Variants in CNTN4 observed in about 807,000 individuals in gnomAD.
CNTN4 encodes contactin-4.
In CNTN4, 77 loss-of-function variants were observed where a neutral mutation model predicts 122.5. The observed-to-expected ratio is 0.63, with a 90% confidence interval of 0.52 to 0.76. The LOEUF is 0.76. CNTN4 is among the 30% of genes least tolerant of loss of function. The pLI is 0.00. For missense variants in CNTN4, 1,256 were observed against 1,259.1 expected, an observed-to-expected ratio of 1.00 and a Z score of 0.04; for synonymous variants, 512 against 447.0, an observed-to-expected ratio of 1.15 and a Z score of -1.83.
intron 4 of CNTN4, among the ~76,000 whole-genome samples, chr3:2,592,990 G>A (rs373907048): frequency 2.2e-4 from 33 of 152,156 alleles, no homozygotes; most frequent in African/African-American, 7.2e-4. Flanking sequence ...TGGGAAGTCT[G>A]AATTTGAATT....
At chr3:2,918,902 C>T (rs550035010) in intron 12 of CNTN4, among the ~76,000 whole-genome samples, 44 of 152,274 alleles carry the variant, frequency 2.9e-4, no homozygotes, top group Middle Eastern at 3.4e-3. Context: ...CCTCATGAGA[C>T]GGGAATTTCC....
At chr3:2,574,081 T>C (rs991830158) in intron 4 of CNTN4, among the ~76,000 whole-genome samples, 1 of 152,062 alleles carries the variant, frequency 6.6e-6, no homozygotes, top group African/African-American at 2.4e-5. Context: ...CAAGGCATGG[T>C]GGTGTATGCC....
chr3:2,890,385 G>A (rs182400908), intron 10 of CNTN4, among the ~76,000 whole-genome samples: 1 of 152,122 alleles, frequency 6.6e-6, no homozygotes, highest in Admixed American at 6.6e-5. Flanking sequence ...ATGATAAAAG[G>A]TGAGAAAGTA....
At chr3:2,920,777 A>G (rs1028677237) in intron 12 of CNTN4, among the ~76,000 whole-genome samples, 1 of 150,208 alleles carries the variant, frequency 6.7e-6, no homozygotes, top group Admixed American at 6.7e-5. Flanking sequence ...TAATCCTCAA[A>G]ATAATCTCAT....
intron 4 of CNTN4, among the ~76,000 whole-genome samples, chr3:2,706,845 C>G (rs2086770580): frequency 6.6e-6 from 1 of 152,110 alleles, no homozygotes; most frequent in East Asian, 1.9e-4. Flanking sequence ...TTGGACAAGT[C>G]TCTTAAGGTC....
chr3:3,011,343 T>C (rs946914500), intron 14 of CNTN4, among the ~76,000 whole-genome samples: 10 of 152,176 alleles, frequency 6.6e-5, no homozygotes, highest in African/African-American at 2.4e-4. Context: ...GGTTTAGTTA[T>C]TCACCGGTTA....
intron 4 of CNTN4, among the ~76,000 whole-genome samples, chr3:2,651,114 C>T (rs529367078): frequency 6.5e-4 from 99 of 152,236 alleles, no homozygotes; most frequent in South Asian, 1.0e-3. Context: ...CGGTCTTTTC[C>T]TTTCTGATGC....
At chr3:2,618,055 C>T (rs930575160) in intron 4 of CNTN4, among the ~76,000 whole-genome samples, 2 of 152,228 alleles carry the variant, frequency 1.3e-5, no homozygotes, top group African/African-American at 4.8e-5. Context: ...GCACTATCCA[C>T]ACACTTAGGA....
intron 13 of CNTN4, among the ~76,000 whole-genome samples, chr3:2,959,235 A>C (rs2094829348): frequency 6.6e-6 from 1 of 152,198 alleles, no homozygotes; most frequent in Non-Finnish European, 1.5e-5. Context: ...AAGTCCTTTT[A>C]GGTCAAGGAA....
At chr3:2,731,330 C>T (rs1288052158) in intron 4 of CNTN4, among the ~76,000 whole-genome samples, 4 of 152,104 alleles carry the variant, frequency 2.6e-5, no homozygotes, top group African/African-American at 9.7e-5. Context: ...GTTTATCCAT[C>T]CTAATTCAAG....
At chr3:2,139,575 C>T (rs1206196663) in intron 2 of CNTN4, among the ~76,000 whole-genome samples, 1 of 152,168 alleles carries the variant, frequency 6.6e-6, no homozygotes, top group African/African-American at 2.4e-5. Context: ...CTGCCAACTA[C>T]CTCGAGCTAT....
chr3:2,492,553 T>C (rs2076347361), intron 3 of CNTN4, among the ~76,000 whole-genome samples: 1 of 152,234 alleles, frequency 6.6e-6, no homozygotes, highest in African/African-American at 2.4e-5. Context: ...TTTCTTCTCA[T>C]CTTCCTTTTC....
At chr3:2,250,467 AATAGCATTTCT>A (rs1381792736) in intron 2 of CNTN4, among the ~76,000 whole-genome samples, 4 of 151,916 alleles carry the variant, frequency 2.6e-5, no homozygotes, top group African/African-American at 9.7e-5. Flanking sequence ...TGAAGTTAAT[AATAGCATTTCT>A]ATAGCATTGT....
intron 3 of CNTN4, among the ~76,000 whole-genome samples, chr3:2,489,618 C>T (rs2076257981): frequency 6.6e-6 from 1 of 152,142 alleles, no homozygotes; most frequent in African/African-American, 2.4e-5. Context: ...AATTTTATAA[C>T]CTCCCCACTC....
At chr3:2,880,755 G>A (rs1271113346) in intron 8 of CNTN4, among the ~76,000 whole-genome samples, 1 of 152,192 alleles carries the variant, frequency 6.6e-6, no homozygotes, top group African/African-American at 2.4e-5. Context: ...ATTAAGATGA[G>A]GAGTCAGGGG....
chr3:2,642,566 A>T (rs1005674131), intron 4 of CNTN4, among the ~76,000 whole-genome samples: 3 of 152,072 alleles, frequency 2.0e-5, no homozygotes, highest in African/African-American at 7.2e-5. Context: ...CATGTTTTTT[A>T]TATGTGTGTA....
chr3:2,367,535 A>G (rs1055697986), intron 3 of CNTN4, among the ~76,000 whole-genome samples: 5 of 151,870 alleles, frequency 3.3e-5, no homozygotes, highest in African/African-American at 1.2e-4. Flanking sequence ...TTTTATTTTT[A>G]TTTTTTGAGA....
chr3:2,909,086 A>T (rs11129338), intron 12 of CNTN4, among the ~76,000 whole-genome samples: 1 of 152,018 alleles, frequency 6.6e-6, no homozygotes, highest in African/African-American at 2.4e-5. Flanking sequence ...AGGGACTTTC[A>T]CAAGTGCTCA....
chr3:2,350,691 C>T (rs773172635), intron 3 of CNTN4, among the ~76,000 whole-genome samples: 27 of 152,008 alleles, frequency 1.8e-4, no homozygotes, highest in Middle Eastern at 3.2e-3. Flanking sequence ...CATGAAGTAG[C>T]GAGAAATGAA....
Sources: allele counts gnomAD v4.1 joint callset (sites outside exome capture counted in the v4.1 genomes callset), GRCh38; gene constraint gnomAD v4.1.1; transcripts MANE v1.5; gene names NCBI Gene and HGNC (gene_info 2026-07-23, HGNC 2026-07-21).